RAP1GAP2: variants seen among roughly 807,000 people sequenced by gnomAD.
RAP1GAP2 encodes the protein RAP1 GTPase activating protein 2.
RAP1GAP2 carries 27 observed loss-of-function variants against 95.0 expected under a neutral mutation model. The observed-to-expected ratio is 0.28, with a 90% CI of 0.21 to 0.39. RAP1GAP2 has a LOEUF of 0.39. RAP1GAP2 is among the 10% of genes least tolerant of loss of function. RAP1GAP2 has a pLI of 1.00. For synonymous variants in RAP1GAP2, 373 were observed against 380.9 expected, an observed-to-expected ratio of 0.98 and a Z score of 0.24; for missense variants, 771 against 970.0, an observed-to-expected ratio of 0.79 and a Z score of 2.72.
At chr17:2,856,139 A>G (rs1431808784) in intron 2 of RAP1GAP2, among the ~76,000 whole-genome samples, 3 of 151,962 alleles carry the variant, frequency 2.0e-5, no homozygotes, top group African/African-American at 7.3e-5. Flanking sequence ...TTATCTGTAG[A>G]GTGGTGGTGA....
intron 18 of RAP1GAP2, among the ~76,000 whole-genome samples, chr17:3,018,829 C>A (rs1375145472): frequency 2.0e-5 from 3 of 152,072 alleles, no homozygotes. Flanking sequence ...CTTTGGGAGG[C>A]TGAGGCAGGT....
intron 11 of RAP1GAP2, among the ~76,000 whole-genome samples, chr17:2,987,273 A>G (rs1404873206): frequency 6.6e-6 from 1 of 152,200 alleles, no homozygotes; most frequent in Admixed American, 6.5e-5. Flanking sequence ...GTTGCACCCT[A>G]TGCCACTGTT....
chr17:2,796,191 G>A (rs1420556153), upstream of RAP1GAP2, among the ~76,000 whole-genome samples: 1 of 152,188 alleles, frequency 6.6e-6, no homozygotes, highest in Non-Finnish European at 1.5e-5. The surrounding 1 kb of genome is among the most constrained non-coding windows in gnomAD (Gnocchi z 4.7). Context: ...TGGGTTCCAG[G>A]AAGCTGGGGC....
intron 3 of RAP1GAP2, among the ~76,000 whole-genome samples, chr17:2,934,913 G>A (rs1281005382): frequency 6.6e-6 from 1 of 152,136 alleles, no homozygotes; most frequent in Non-Finnish European, 1.5e-5. Flanking sequence ...AGAATATGAC[G>A]CCTACCAAAA....
In RAP1GAP2 at chr17:3,004,197, C is replaced by CCCAG. The variant is rs1427131032; in HGVS notation, c.1201-1167_1201-1164dup. Among the ~76,000 whole-genome samples, 1 of 152,214 alleles carries CCCAG rather than the reference C, an allele frequency of 6.6e-6. No individual in the cohort carries two copies. The highest frequency in any genetic ancestry group is 2.4e-5 in the African/African-American group (1 of 41,448). On this transcript the variant is annotated intron_variant, in intron 14 of 24. Coordinates refer to ENST00000254695, the MANE Select transcript of RAP1GAP2 (RefSeq NM_015085.5). This position sits in a 1 kb window ranked among gnomAD's most constrained non-coding sequence, Gnocchi z 4.1. ...AGGGAACCGGGTTCAGCTGCTGGAGCCCAGCCAGAAATCACGTCAGCCGAA... is the reference window on the plus strand; with the variant it reads ...AGGGAACCGGGTTCAGCTGCTGGAGCCCAGCCAGCCAGAAATCACGTCAGCCGAA...
At chr17:3,016,067 A>G (rs560011626) in intron 17 of RAP1GAP2, among the ~76,000 whole-genome samples, 1 of 152,210 alleles carries the variant, frequency 6.6e-6, no homozygotes, top group African/African-American at 2.4e-5. Context: ...CTGGTGTCCA[A>G]GGAGGGCTGG....
intron 3 of RAP1GAP2, among the ~76,000 whole-genome samples, chr17:2,913,371 C>T (rs1036528252): frequency 2.0e-5 from 3 of 152,106 alleles, no homozygotes; most frequent in African/African-American, 7.2e-5. Context: ...TCACTGCAAC[C>T]CCTGCTTCCT....
chr17:2,778,636 T>C (rs762566848), intron 1 of RAP1GAP2, among the ~76,000 whole-genome samples: 2 of 152,034 alleles, frequency 1.3e-5, no homozygotes, highest in African/African-American at 2.4e-5. Context: ...CAGGGTCACA[T>C]AGTGGCTAAG....
At chr17:3,018,954 T>A (rs2046868053) in intron 18 of RAP1GAP2, among the ~76,000 whole-genome samples, 1 of 152,094 alleles carries the variant, frequency 6.6e-6, no homozygotes, top group Non-Finnish European at 1.5e-5. Flanking sequence ...TCCCAGCTAC[T>A]CAGGAGGCTG....
At chr17:2,824,446 C>CA (rs916170087) in intron 2 of RAP1GAP2, among the ~76,000 whole-genome samples, 2,073 of 77,536 alleles carry the variant, frequency 0.027, 63 homozygotes, top group Admixed American at 0.13. Context: ...GACTCCATCT[C>CA]AAAAAAAAAA....
At chr17:2,844,725 CTTCT>C (rs772942712) in intron 2 of RAP1GAP2, among the ~76,000 whole-genome samples, 90 of 152,264 alleles carry the variant, frequency 5.9e-4, no homozygotes, top group Non-Finnish European at 6.9e-4. Flanking sequence ...GTTGTCCTTC[CTTCT>C]GTCACGAAGG....
chr17:2,829,447 C>T (rs909367105), intron 2 of RAP1GAP2, among the ~76,000 whole-genome samples: 6 of 152,068 alleles, frequency 3.9e-5, no homozygotes, highest in Non-Finnish European at 8.8e-5. Flanking sequence ...ATGGTCCCAG[C>T]GACCCTTCTC....
At chr17:2,991,686 C>G (rs2045758246) in intron 12 of RAP1GAP2, among the ~76,000 whole-genome samples, 2 of 152,216 alleles carry the variant, frequency 1.3e-5, no homozygotes, top group Admixed American at 6.5e-5. Flanking sequence ...ATCCACCTTC[C>G]CTGTCACTCA....
chr17:2,822,906 A>T (rs2151523783), intron 2 of RAP1GAP2, among the ~76,000 whole-genome samples: 1 of 152,186 alleles, frequency 6.6e-6, no homozygotes, highest in East Asian at 1.9e-4. Flanking sequence ...TGAGGTCAGG[A>T]GTTCTAGACC....
intron 2 of RAP1GAP2, among the ~76,000 whole-genome samples, chr17:2,819,507 T>C (rs2070185925): frequency 6.6e-6 from 1 of 151,442 alleles, no homozygotes; most frequent in Non-Finnish European, 1.5e-5. Context: ...GGAGTCTTGC[T>C]CTGTCACCCA....
chr17:2,899,276 C>T (rs979906718), intron 2 of RAP1GAP2, among the ~76,000 whole-genome samples: 1 of 152,204 alleles, frequency 6.6e-6, no homozygotes, highest in African/African-American at 2.4e-5. Flanking sequence ...GCGATCTCGG[C>T]TCACTGCAAG....
rs1334781670 is a variant in RAP1GAP2, at chr17:2,903,606, C to G, written c.81-1678C>G. Among the ~76,000 whole-genome samples the G allele has an allele frequency of 6.6e-6, 1 of 152,216 alleles. No individual in the cohort carries two copies. Among genetic ancestry groups the G allele is most frequent in the Non-Finnish European group, 1.5e-5 (1 of 68,030 alleles). Reference sequence around the variant, plus strand: ...CCCCCTCTCCAGCCATCAAAACTTACATCAACAAGGTCCAGGAAGAAAGAA... The same window carrying G: ...CCCCCTCTCCAGCCATCAAAACTTAGATCAACAAGGTCCAGGAAGAAAGAA... On this transcript the variant is annotated intron_variant, in intron 2 of 24. Coordinates refer to ENST00000254695, the MANE Select transcript of RAP1GAP2 (RefSeq NM_015085.5). This position sits in a 1 kb window ranked among gnomAD's most constrained non-coding sequence, Gnocchi z 4.1.
chr17:2,938,756 G>A (rs1313602225), intron 3 of RAP1GAP2, among the ~76,000 whole-genome samples: 2 of 152,054 alleles, frequency 1.3e-5, no homozygotes, highest in African/African-American at 2.4e-5. Flanking sequence ...GGAGGCCTAG[G>A]CAGGTGGATC....
chr17:2,849,789 T>TCTCTGCC (rs138162137), intron 2 of RAP1GAP2, among the ~76,000 whole-genome samples: 10,186 of 152,232 alleles, frequency 0.067, 441 homozygotes, highest in Middle Eastern at 0.13. Context: ...GAAGACCCCT[T>TCTCTGCC]CTCTGCCGTC....
Sources: allele counts gnomAD v4.1 joint callset (sites outside exome capture counted in the v4.1 genomes callset), GRCh38; gene constraint gnomAD v4.1.1; non-coding constraint Gnocchi (gnomAD v3.1); transcripts MANE v1.5; gene names NCBI Gene and HGNC (gene_info 2026-07-23, HGNC 2026-07-21).